Variants in PLAC8 observed in about 807,000 individuals in gnomAD.
PLAC8 encodes the protein placenta-specific gene 8 protein.
Under a neutral mutation model 12.6 loss-of-function variants are expected in PLAC8, and 6 were observed. The ratio of observed to expected loss-of-function variants is 0.48; its 90% CI spans 0.26 to 0.94. The LOEUF (loss-of-function observed/expected upper bound fraction) is 0.94. Ranked by LOEUF, PLAC8 falls within the 40% of genes least tolerant of loss-of-function variation. The probability of loss-of-function intolerance (pLI) is 0.14; values close to 1 mark genes in which losing one functional copy is unlikely to be tolerated. For synonymous variants in PLAC8, 54 were observed against 52.6 expected, an observed-to-expected ratio of 1.03 and a Z score of -0.11; for missense variants, 122 against 152.7, an observed-to-expected ratio of 0.80 and a Z score of 1.06.
intron 1 of PLAC8, among the ~76,000 whole-genome samples, chr4:83,110,117 G>A (rs1366235000): frequency 1.3e-5 from 2 of 151,916 alleles, no homozygotes; most frequent in Non-Finnish European, 2.9e-5. Flanking sequence ...TTCCTCCCGG[G>A]CACCCGCCGC....
In PLAC8 at chr4:83,102,116, A is replaced by T. The variant is rs538462866; in HGVS notation, c.243+2780T>A. ...TTTTGATTTTCAAGTCTTATTATTT[A>T]AAAAAAAAAACACTTTTGAAGGCTG... On this transcript the variant is annotated intron_variant, in intron 3 of 4. Coordinates refer to ENST00000311507, the MANE Select transcript of PLAC8 (RefSeq NM_016619.3). Among the ~76,000 whole-genome samples the T allele has an allele frequency of 1.6e-3, 232 of 147,458 alleles. 1 individual carries two copies. The highest frequency in any genetic ancestry group is 4.8e-3 in the African/African-American group (192 of 40,066).
chr4:83,102,521 A>G (rs1470178245), intron 3 of PLAC8, among the ~76,000 whole-genome samples: 1 of 152,156 alleles, frequency 6.6e-6, no homozygotes, highest in African/African-American at 2.4e-5. Context: ...CCTGGGTGAC[A>G]GAGTGAGACC....
At position 83,111,475 on chromosome 4, in the gene PLAC8, C is replaced by CA. The variant is rs200508250; in HGVS notation, c.-30+3190dup. 9.1e-3 allele frequency among the ~76,000 whole-genome samples: 1,266 copies of CA among 139,370 alleles called. 14 individuals are homozygous for CA. Among genetic ancestry groups the CA allele is most frequent in the African/African-American group, 0.027 (1,015 of 37,684 alleles). The allele number at this position is 139,370 out of a possible 152,430, so 91.4% of individuals were successfully genotyped here. A position where few individuals can be genotyped will look rare whatever the true frequency, so the allele number is the denominator to read the frequency against. On this transcript the variant is annotated intron_variant, in intron 1 of 4. Transcript: ENST00000311507. ...GGTGACAGAGCGAGACTCTTATCTC[C>CA]AAAAAAAAAATAAAAAAATAAAAAA...
rs1458173387 is a variant in PLAC8 at position 83,104,798 on chromosome 4, A to G, written c.243+98T>C. ...ACATGCTAGGGAACTCTTATCAATCAATTTCAGAAGATGTATACATCAAAT... is the reference window on the plus strand; with the variant it reads ...ACATGCTAGGGAACTCTTATCAATCGATTTCAGAAGATGTATACATCAAAT... On this transcript the variant is annotated intron_variant, in intron 3 of 4. Transcript: ENST00000311507. 2.3e-6 allele frequency: 3 copies of G among 1,321,698 alleles called. No individual in the cohort carries two copies. The East Asian group carries it at 7.0e-5, about 31-fold the overall frequency. The allele number at this position is 1,321,698 out of a possible 1,614,324, so 81.9% of individuals were successfully genotyped here.
rs144221841 is a variant in PLAC8 at position 83,095,135 on chromosome 4, G to A, written c.244-344C>T. 1.4e-3 allele frequency among the ~76,000 whole-genome samples: 208 copies of A among 152,218 alleles called. 1 individual carries two copies. The highest frequency in any genetic ancestry group is 4.9e-3 in the African/African-American group (203 of 41,530). Reference sequence around the variant, plus strand: ...TAGGGGATGTGTTCCACCAAAATGCGGGTGTAAACCAAGAAAGAGGAAGAT... The same window carrying A: ...TAGGGGATGTGTTCCACCAAAATGCAGGTGTAAACCAAGAAAGAGGAAGAT... On this transcript the variant is annotated intron_variant, in intron 3 of 4. Transcript: ENST00000311507.
chr4:83,100,251 A>T (rs1021180820), intron 3 of PLAC8, among the ~76,000 whole-genome samples: 4 of 149,180 alleles, frequency 2.7e-5, no homozygotes, highest in South Asian at 2.1e-4. Flanking sequence ...ACTGCACTCC[A>T]GCCTGGGTGA....
At chr4:83,107,324 A>G (rs1231641379) in intron 2 of PLAC8, among the ~76,000 whole-genome samples, 1 of 152,106 alleles carries the variant, frequency 6.6e-6, no homozygotes, top group African/African-American at 2.4e-5. Flanking sequence ...CTAAATATAT[A>G]CATTAAAATA....
intron 3 of PLAC8, among the ~76,000 whole-genome samples, chr4:83,100,067 G>A (rs1457723702): frequency 2.7e-5 from 4 of 150,336 alleles, no homozygotes; most frequent in Non-Finnish European, 4.4e-5. Context: ...TCAGGAGATC[G>A]AGACCATCTT....
chr4:83,113,037 TTAGA>T (rs1227777917), intron 1 of PLAC8, among the ~76,000 whole-genome samples: 9 of 152,200 alleles, frequency 5.9e-5, no homozygotes, highest in Admixed American at 2.6e-4. Flanking sequence ...AGATTGTGAC[TTAGA>T]TAGAATGAGC....
Position 83,097,136 on chromosome 4 carries a change from A to G in PLAC8, c.244-2345T>C, listed in dbSNP as rs1389868259. On this transcript the variant is annotated intron_variant, in intron 3 of 4. Transcript: ENST00000311507. ...GCTGTCCCAGCTCTATTCCTCCAAG[A>G]GCTCCACCCTGAAGCCGGTCATCCA... is the stretch of plus-strand genomic sequence containing the variant. 3.3e-5 allele frequency among the ~76,000 whole-genome samples: 5 copies of G among 152,182 alleles called. No individual in the cohort carries two copies. The East Asian group carries it at 9.7e-4, about 29-fold the overall frequency.
At position 83,091,528 on chromosome 4, in the gene PLAC8, A is replaced by G. The variant is rs148929157; in HGVS notation, c.*10-557T>C. Among the ~76,000 whole-genome samples the G allele has an allele frequency of 5.7e-3, 864 of 152,340 alleles. 7 individuals are homozygous for G. The highest frequency in any genetic ancestry group is 9.0e-3 in the Non-Finnish European group (614 of 68,032). On this transcript the variant is annotated intron_variant, in intron 4 of 4. Transcript: ENST00000311507. Reference sequence around the variant, plus strand: ...GTGCAAACTATCAATATGACTTATTACCAATGATGGTGACGTTGATTACCT... The same window carrying G: ...GTGCAAACTATCAATATGACTTATTGCCAATGATGGTGACGTTGATTACCT...
chr4:83,100,210 G>C (rs1732058967), intron 3 of PLAC8, among the ~76,000 whole-genome samples: 1 of 151,122 alleles, frequency 6.6e-6, no homozygotes, highest in Non-Finnish European at 1.5e-5. Flanking sequence ...GAACCCAGGA[G>C]GTGGAGCTTG....
intron 3 of PLAC8, among the ~76,000 whole-genome samples, chr4:83,099,882 C>A (rs7683957): frequency 0.29 from 44,097 of 150,992 alleles, 6,873 homozygotes; most frequent in East Asian, 0.55. Flanking sequence ...GACGCACACC[C>A]GTACTCCCAG....
intron 1 of PLAC8, among the ~76,000 whole-genome samples, chr4:83,112,198 AT>A (rs1732439355): frequency 5.3e-5 from 1 of 18,900 alleles, no homozygotes; most frequent in Non-Finnish European, 1.3e-4. Context: ...TTATATATAT[AT>A]ATATGTATAT....
intron 4 of PLAC8, among the ~76,000 whole-genome samples, chr4:83,091,551 C>T (rs886550428): frequency 2.6e-5 from 4 of 152,180 alleles, no homozygotes; most frequent in African/African-American, 9.6e-5. Context: ...ACGTTGATTA[C>T]CTGGCTCAGG....
At chr4:83,104,777 G>T in intron 3 of PLAC8, 119 bp downstream of exon 3, 2 of 1,086,982 alleles carry the variant, frequency 1.8e-6, no homozygotes, top group Non-Finnish European at 2.8e-6. Context: ...GATTGCACAT[G>T]CTAGGGAACT....
At chr4:83,103,212 T>C (rs1333866308) in intron 3 of PLAC8, among the ~76,000 whole-genome samples, 1 of 150,912 alleles carries the variant, frequency 6.6e-6, no homozygotes, top group African/African-American at 2.4e-5. Flanking sequence ...CTGGCCAACA[T>C]GGTGAAACCC....
intron 2 of PLAC8, among the ~76,000 whole-genome samples, chr4:83,106,062 C>T (rs1013385717): frequency 3.3e-5 from 5 of 151,774 alleles, no homozygotes; most frequent in African/African-American, 7.3e-5. Context: ...TGCAATGGTG[C>T]GATCTTAGCT....
Position 83,094,696 on chromosome 4 carries a change from A to T in PLAC8, c.339T>A (p.Arg113=). The change falls in exon 4 of 5, where the codon CGT becomes CGA. Residue 113 remains arginine, a synonymous_variant. Coordinates refer to ENST00000311507, the MANE Select transcript of PLAC8 (RefSeq NM_016619.3). ...GACTCACCATCAGTTTTTAGAAAGT[A>T]CGCATGGCTCTCCTTCTGTTGATAT... ...KRDINRRRAM[R]TF 6.3e-7 allele frequency: 1 copy of T among 1,597,504 alleles called. No individual in the cohort carries two copies. The highest frequency in any genetic ancestry group is 8.5e-7 in the Non-Finnish European group (1 of 1,171,210).
Sources: allele counts gnomAD v4.1 joint callset (sites outside exome capture counted in the v4.1 genomes callset), GRCh38; gene constraint gnomAD v4.1.1; transcripts MANE v1.5; gene names NCBI Gene and HGNC (gene_info 2026-07-23, HGNC 2026-07-21).